Variants in HIVEP3 observed in about 807,000 individuals in gnomAD.
HIVEP3 encodes transcription factor HIVEP3.
HIVEP3 carries 49 observed loss-of-function variants against 152.8 expected under a neutral mutation model. The observed-to-expected ratio is 0.32, with a 90% CI of 0.26 to 0.41. The LOEUF (loss-of-function observed/expected upper bound fraction) is 0.41. Ranked by LOEUF, HIVEP3 falls within the 10% of genes least tolerant of loss-of-function variation. The probability of loss-of-function intolerance (pLI) is 1.00; values close to 1 mark genes in which losing one functional copy is unlikely to be tolerated. For synonymous variants in HIVEP3, 1,269 were observed against 1,289.0 expected, an observed-to-expected ratio of 0.98 and a Z score of 0.33; for missense variants, 2,790 against 3,103.3, an observed-to-expected ratio of 0.90 and a Z score of 2.40.
At chr1:41,912,595 G>C (rs79440728) in intron 1 of HIVEP3, among the ~76,000 whole-genome samples, 1 of 152,160 alleles carries the variant, frequency 6.6e-6, no homozygotes, top group Non-Finnish European at 1.5e-5. Context: ...GGCACATTAT[G>C]CTCTGGCTCA....
chr1:41,957,555 G>A (rs888359116), intron 1 of HIVEP3, among the ~76,000 whole-genome samples: 2 of 152,180 alleles, frequency 1.3e-5, no homozygotes, highest in Admixed American at 1.3e-4. Context: ...ACATCATCAT[G>A]CAAGGACAAA....
chr1:41,749,437 AGAGACAGAGAGAAG>A (rs891895634), intron 1 of HIVEP3, among the ~76,000 whole-genome samples: 5 of 31,964 alleles, frequency 1.6e-4, no homozygotes, highest in Non-Finnish European at 1.5e-4. Context: ...TGTGTGATGG[AGAGACAGAGAGAAG>A]GAGACAGAGA....
chr1:41,853,528 G>C (rs1407690144), intron 1 of HIVEP3, among the ~76,000 whole-genome samples: 1 of 152,160 alleles, frequency 6.6e-6, no homozygotes, highest in Non-Finnish European at 1.5e-5. Flanking sequence ...CTGCCCCCAC[G>C]ATTCAATCAC....
chr1:42,014,690 G>C (rs967708864), intron 1 of HIVEP3, among the ~76,000 whole-genome samples: 1 of 152,136 alleles, frequency 6.6e-6, no homozygotes, highest in African/African-American at 2.4e-5. Flanking sequence ...AAGTTACTGA[G>C]TGATATCCAA....
intron 3 of HIVEP3, 44 bp from the exon 4 acceptor site, chr1:41,585,362 A>C (rs1335260718): frequency 2.5e-6 from 1 of 398,794 alleles, no homozygotes; most frequent in Non-Finnish European, 4.4e-6. Flanking sequence ...ACACACACAA[A>C]AGAGAAGACA....
At chr1:41,644,184 C>T (rs1178824914) in intron 2 of HIVEP3, among the ~76,000 whole-genome samples, 1 of 152,138 alleles carries the variant, frequency 6.6e-6, no homozygotes, top group Non-Finnish European at 1.5e-5. Context: ...CCGTGCCTGG[C>T]AAACCTTCCT....
chr1:41,872,863 G>A (rs986578802), intron 1 of HIVEP3, among the ~76,000 whole-genome samples: 10 of 152,126 alleles, frequency 6.6e-5, no homozygotes, highest in African/African-American at 1.7e-4. Context: ...GAACATCCAC[G>A]TACAAGTCTT....
At chr1:41,593,181 T>G (rs916439717) in intron 3 of HIVEP3, among the ~76,000 whole-genome samples, 4 of 152,194 alleles carry the variant, frequency 2.6e-5, no homozygotes, top group African/African-American at 9.6e-5. Context: ...TTTAAACCAC[T>G]GCAGAATTGT....
At chr1:41,967,562 T>C (rs1645206234) in intron 1 of HIVEP3, among the ~76,000 whole-genome samples, 1 of 152,108 alleles carries the variant, frequency 6.6e-6, no homozygotes, top group South Asian at 2.1e-4. Flanking sequence ...TAGAGAGAAA[T>C]TTATAGCACC....
At chr1:41,621,187 T>C (rs112313111) in intron 3 of HIVEP3, among the ~76,000 whole-genome samples, 368 of 152,360 alleles carry the variant, frequency 2.4e-3, no homozygotes, top group African/African-American at 8.1e-3. Context: ...CCCATAGCCA[T>C]GGTGCAGCCT....
rs188059838 is a variant in HIVEP3, at chr1:41,787,450, C to T, written c.-800-86455G>A. Among the ~76,000 whole-genome samples the T allele has an allele frequency of 1.5e-4, 23 of 152,264 alleles. No individual in the cohort carries two copies. In the East Asian group the frequency reaches 4.2e-3, roughly 28 times the overall value. On this transcript the variant is annotated intron_variant, in intron 1 of 8. Coordinates refer to ENST00000372583, the MANE Select transcript of HIVEP3 (RefSeq NM_024503.5). ...CATACCCCCTCCCTACGTATACTTA[C>T]GCCCCTTCCATGCACACAGCAGATG... is the stretch of plus-strand genomic sequence containing the variant.
chr1:41,516,903 T>G (rs1301254809), intron 7 of HIVEP3, among the ~76,000 whole-genome samples: 1 of 152,220 alleles, frequency 6.6e-6, no homozygotes, highest in Non-Finnish European at 1.5e-5. Context: ...CTCTTCTGCT[T>G]TCTCTTTGGC....
intron 1 of HIVEP3, among the ~76,000 whole-genome samples, chr1:42,025,656 G>A (rs2124537758): frequency 6.6e-6 from 1 of 152,370 alleles, no homozygotes; most frequent in East Asian, 1.9e-4. Context: ...GATTCTGCCA[G>A]GTATCTGGGA....
intron 1 of HIVEP3, among the ~76,000 whole-genome samples, chr1:41,971,663 A>G (rs1426077109): frequency 2.0e-5 from 3 of 152,212 alleles, no homozygotes; most frequent in Non-Finnish European, 4.4e-5. Flanking sequence ...GCATCTCAGG[A>G]TACCACCACA....
chr1:41,699,719 C>T (rs865992688), intron 2 of HIVEP3, among the ~76,000 whole-genome samples: 7 of 152,256 alleles, frequency 4.6e-5, no homozygotes, highest in East Asian at 3.9e-4. Flanking sequence ...CACTTCAGCA[C>T]GGGGTGTCCT....
chr1:41,616,544 T>A (rs562166268), intron 3 of HIVEP3, among the ~76,000 whole-genome samples: 4 of 147,478 alleles, frequency 2.7e-5, no homozygotes, highest in Non-Finnish European at 5.9e-5. Context: ...AGGAGGCCAC[T>A]CACTGCCTGA....
At chr1:41,817,861 G>A (rs768878642) in intron 1 of HIVEP3, among the ~76,000 whole-genome samples, 79 of 152,182 alleles carry the variant, frequency 5.2e-4, no homozygotes, top group Non-Finnish European at 8.4e-4. Context: ...TTGACTGAGT[G>A]CAGAACTGCC....
At chr1:41,985,369 A>G (rs893421713) in intron 1 of HIVEP3, among the ~76,000 whole-genome samples, 1 of 152,296 alleles carries the variant, frequency 6.6e-6, no homozygotes, top group South Asian at 2.1e-4. Flanking sequence ...AACAATAGAA[A>G]TTATTTCTCA....
At chr1:41,716,211 G>A (rs1570383330) in intron 1 of HIVEP3, among the ~76,000 whole-genome samples, 1 of 152,214 alleles carries the variant, frequency 6.6e-6, no homozygotes, top group South Asian at 2.1e-4. Context: ...GGTGAGGCTC[G>A]ATAGGGAGGC....
Sources: allele counts gnomAD v4.1 joint callset (sites outside exome capture counted in the v4.1 genomes callset), GRCh38; gene constraint gnomAD v4.1.1; transcripts MANE v1.5; gene names NCBI Gene and HGNC (gene_info 2026-07-23, HGNC 2026-07-21).